The following AOPEP variants were observed in gnomAD, a reference collection of about 807,000 sequenced individuals.
AOPEP encodes aminopeptidase O.
In AOPEP, 77 loss-of-function variants were observed where a neutral mutation model predicts 98.1. That is an observed-to-expected ratio of 0.78 (90% CI 0.65 to 0.95). AOPEP has a LOEUF of 0.95. Among genes scored for constraint, AOPEP ranks in the 40% least tolerant of loss-of-function variants. The probability of loss-of-function intolerance (pLI) is 0.00; values close to 1 mark genes in which losing one functional copy is unlikely to be tolerated. For missense variants in AOPEP, 1,024 were observed against 1,024.7 expected (o/e 1.00, Z 0.01); for synonymous variants, 346 against 365.3 (o/e 0.95, Z 0.60).
downstream of AOPEP, among the ~76,000 whole-genome samples, chr9:95,087,760 C>A (rs1228956093): frequency 1.3e-5 from 2 of 152,188 alleles, no homozygotes; most frequent in Non-Finnish European, 2.9e-5. Context: ...CACTGAGCTT[C>A]CTTGGCACTG....
chr9:94,817,356 TGAA>T (rs370243906), intron 5 of AOPEP, among the ~76,000 whole-genome samples: 9 of 152,276 alleles, frequency 5.9e-5, no homozygotes, highest in East Asian at 1.9e-4. Flanking sequence ...TGGCATGAAA[TGAA>T]GAAGAAGAGG....
chr9:95,123,614 A>C, the AOPEP span: 1 of 601,242 alleles, frequency 1.7e-6, no homozygotes, highest in Non-Finnish European at 3.2e-6. Flanking sequence ...ATGTGTGCCC[A>C]AGGACAAGGC....
intron 5 of AOPEP, among the ~76,000 whole-genome samples, chr9:94,842,900 A>G (rs1279003629): frequency 6.6e-5 from 10 of 152,210 alleles, no homozygotes; most frequent in Admixed American, 6.5e-4. Flanking sequence ...AAGTAGTAGA[A>G]GGATTTCTGT....
the AOPEP span, among the ~76,000 whole-genome samples, chr9:95,140,899 T>A: frequency 6.6e-6 from 1 of 152,060 alleles, no homozygotes; most frequent in East Asian, 1.9e-4. Flanking sequence ...AGAAGAAATG[T>A]GCAAACCCAA....
chr9:94,866,881 T>C (rs1302514609), intron 5 of AOPEP, among the ~76,000 whole-genome samples: 1 of 152,200 alleles, frequency 6.6e-6, no homozygotes, highest in African/African-American at 2.4e-5. Context: ...GTTTATAAAA[T>C]GTGAGGATTT....
intron 5 of AOPEP, among the ~76,000 whole-genome samples, chr9:94,822,072 A>G (rs967361372): frequency 6.6e-6 from 1 of 152,116 alleles, no homozygotes; most frequent in Non-Finnish European, 1.5e-5. Context: ...ACAGAAATAC[A>G]GTGATCCCCA....
chr9:94,747,802 C>G (rs1834862163), intron 1 of AOPEP, among the ~76,000 whole-genome samples: 1 of 152,096 alleles, frequency 6.6e-6, no homozygotes, highest in African/African-American at 2.4e-5. Flanking sequence ...TAACACCTGC[C>G]CCAACATTTG....
intron 5 of AOPEP, among the ~76,000 whole-genome samples, chr9:94,810,322 T>G (rs1850248978): frequency 6.6e-6 from 1 of 151,508 alleles, no homozygotes; most frequent in African/African-American, 2.4e-5. Context: ...TTTTTTTGTT[T>G]TTTTTTTTTT....
intron 14 of AOPEP, among the ~76,000 whole-genome samples, chr9:95,078,022 G>A (rs1026654498): frequency 2.0e-5 from 3 of 151,064 alleles, no homozygotes; most frequent in Admixed American, 1.3e-4. Flanking sequence ...GAAAAGACTT[G>A]TTTTTATCTT....
chr9:94,772,200 A>G (rs1050187679), intron 2 of AOPEP, among the ~76,000 whole-genome samples: 3 of 152,216 alleles, frequency 2.0e-5, no homozygotes, highest in Non-Finnish European at 4.4e-5. Context: ...TGAGTTTTTT[A>G]TGAGGAGTCA....
the AOPEP span, chr9:95,107,320 A>T: frequency 2.6e-5 from 41 of 1,565,364 alleles, no homozygotes; most frequent in Non-Finnish European, 3.4e-5. Context: ...CAGGACAGAC[A>T]TACTTCTAGG....
the AOPEP span, among the ~76,000 whole-genome samples, chr9:95,132,362 G>T: frequency 6.6e-6 from 1 of 152,208 alleles, no homozygotes; most frequent in Admixed American, 6.5e-5. Flanking sequence ...GCCAGCCTTG[G>T]GAAACCGAAC....
chr9:94,744,578 G>A (rs1188067506), intron 1 of AOPEP, among the ~76,000 whole-genome samples: 2 of 151,058 alleles, frequency 1.3e-5, no homozygotes, highest in Non-Finnish European at 2.9e-5. Context: ...GTGCATGCCT[G>A]TAATCCTAGC....
At chr9:95,008,323 C>T (rs7862618) in intron 13 of AOPEP, among the ~76,000 whole-genome samples, 9 of 152,070 alleles carry the variant, frequency 5.9e-5, no homozygotes, top group Non-Finnish European at 1.2e-4. Flanking sequence ...CTTTTTCCTC[C>T]GATAGGAGGG....
At chr9:94,880,253 G>T (rs2047413076) in intron 5 of AOPEP, among the ~76,000 whole-genome samples, 2 of 152,088 alleles carry the variant, frequency 1.3e-5, no homozygotes, top group Non-Finnish European at 2.9e-5. Flanking sequence ...GCTGAAAGGA[G>T]TTCATCTAAC....
At chr9:94,961,249 A>T (rs1214609981) in intron 9 of AOPEP, among the ~76,000 whole-genome samples, 1 of 152,150 alleles carries the variant, frequency 6.6e-6, no homozygotes, top group Non-Finnish European at 1.5e-5. Context: ...TAGTAATTTT[A>T]TCAGGAAATG....
Position 94,792,869 on chromosome 9 carries a change from A to C in AOPEP, c.1069A>C (p.Asn357His). The C allele has an allele frequency of 6.2e-7, 1 of 1,613,706 alleles. No homozygotes were observed. Among genetic ancestry groups the C allele is most frequent in the African/African-American group, 1.3e-5 (1 of 74,986 alleles). ...TEMKMETWSS[N>H]DLATERPFSP... ...AATGAAGATGGAGACATGGTCATCA[A>C]ATGATTTGGCAACAGAGAGACCCTT... Residue 357 changes from asparagine to histidine, a missense_variant, in exon 4 of 17, where the codon AAT (asparagine) becomes CAT (histidine). Asn to His is a moderately conservative substitution (Grantham distance 68). This residue lies in a region of AOPEP where 440 missense variants were observed against 433.8 expected (regional missense o/e 1.01). Transcript: ENST00000375315.
At chr9:94,943,353 G>A (rs1318565927) in intron 7 of AOPEP, among the ~76,000 whole-genome samples, 1 of 152,210 alleles carries the variant, frequency 6.6e-6, no homozygotes, top group African/African-American at 2.4e-5. Flanking sequence ...CAGCACTTTG[G>A]GAGGCTGAGG....
intron 5 of AOPEP, among the ~76,000 whole-genome samples, chr9:94,919,831 T>C (rs2053343489): frequency 6.6e-6 from 1 of 152,206 alleles, no homozygotes; most frequent in Admixed American, 6.5e-5. Context: ...TGCTGGACTT[T>C]AGAGGGCAAT....
Sources: gnomAD v4.1 joint callset for allele counts (sites outside exome capture counted in the v4.1 genomes callset) on GRCh38, gnomAD v4.1.1 for gene constraint, gnomAD v4.1.1 regional missense constraint, MANE v1.5 for transcripts, NCBI Gene and HGNC (gene_info 2026-07-23, HGNC 2026-07-21) for gene names.